GALNT10: variants seen among roughly 807,000 people sequenced by gnomAD.
GALNT10 encodes polypeptide N-acetylgalactosaminyltransferase 10, also known as GalNAc transferase 10.
GALNT10 carries 41 observed loss-of-function variants against 75.0 expected under a neutral mutation model. That is an observed-to-expected ratio of 0.55 (90% CI 0.43 to 0.71). GALNT10 has a LOEUF of 0.71. Among genes scored for constraint, GALNT10 ranks in the 30% least tolerant of loss-of-function variants. The probability of loss-of-function intolerance (pLI) is 0.00; values close to 1 mark genes in which losing one functional copy is unlikely to be tolerated. For synonymous variants in GALNT10, 302 were observed against 313.0 expected (o/e 0.96, Z 0.37); for missense variants, 727 against 818.5 (o/e 0.89, Z 1.36).
At chr5:154,391,316 G>A (rs1755892258) in intron 7 of GALNT10, among the ~76,000 whole-genome samples, 2 of 152,188 alleles carry the variant, frequency 1.3e-5, no homozygotes. Context: ...TGTATTTTCA[G>A]AAATTAAGAT....
intron 3 of GALNT10, among the ~76,000 whole-genome samples, chr5:154,324,213 C>G (rs957517220): frequency 1.3e-4 from 20 of 152,318 alleles, no homozygotes; most frequent in African/African-American, 4.6e-4. Flanking sequence ...GATAAGGCAG[C>G]GCTCTGTGCA....
At chr5:154,272,094 G>C (rs533446413) in intron 1 of GALNT10, among the ~76,000 whole-genome samples, 1 of 152,198 alleles carries the variant, frequency 6.6e-6, no homozygotes, top group African/African-American at 2.4e-5. Flanking sequence ...AGCCTCTTCT[G>C]TCCCACCTGG....
chr5:154,347,211 G>C, intron 4 of GALNT10: 1 of 477,904 alleles, frequency 2.1e-6, no homozygotes, highest in Non-Finnish European at 4.1e-6. Context: ...AACCTCACAG[G>C]ACTCAGTGAG....
chr5:154,372,503 A>T (rs558341516), intron 4 of GALNT10, among the ~76,000 whole-genome samples: 159 of 152,288 alleles, frequency 1.0e-3, no homozygotes, highest in African/African-American at 3.7e-3. Flanking sequence ...CAAATAGTTT[A>T]TTTGGGAGGA....
chr5:154,195,054 A>C (rs562800137), intron 1 of GALNT10, among the ~76,000 whole-genome samples: 1 of 152,358 alleles, frequency 6.6e-6, no homozygotes, highest in South Asian at 2.1e-4. Context: ...TCAGCCTTTG[A>C]TCTGTTGGTT....
At chr5:154,299,211 C>A (rs1415764171) in intron 3 of GALNT10, among the ~76,000 whole-genome samples, 3 of 152,226 alleles carry the variant, frequency 2.0e-5, no homozygotes, top group African/African-American at 7.2e-5. Flanking sequence ...CCTGCAGATT[C>A]TTGGGCCCCA....
At chr5:154,322,742 G>A (rs1219728693) in intron 3 of GALNT10, among the ~76,000 whole-genome samples, 1 of 152,180 alleles carries the variant, frequency 6.6e-6, no homozygotes, top group Non-Finnish European at 1.5e-5. Flanking sequence ...AGCTCACCAT[G>A]TTGGTACAAT....
At chr5:154,199,123 A>G (rs1049652513) in intron 1 of GALNT10, among the ~76,000 whole-genome samples, 3 of 152,320 alleles carry the variant, frequency 2.0e-5, no homozygotes, top group African/African-American at 4.8e-5. Context: ...TGCTGGCTGC[A>G]TGCTGGAAGC....
At chr5:154,269,320 A>G (rs1484122355) in intron 1 of GALNT10, among the ~76,000 whole-genome samples, 1 of 152,198 alleles carries the variant, frequency 6.6e-6, no homozygotes, top group Non-Finnish European at 1.5e-5. Flanking sequence ...AGAATTTTCT[A>G]CTACATCCCA....
chr5:154,271,282 T>C (rs898749258), intron 1 of GALNT10, among the ~76,000 whole-genome samples: 5 of 151,658 alleles, frequency 3.3e-5, no homozygotes, highest in African/African-American at 1.2e-4. Context: ...GCCTGACCAA[T>C]ATGATAAAAC....
At chr5:154,286,308 G>T (rs1203869615) in intron 1 of GALNT10, among the ~76,000 whole-genome samples, 1 of 151,972 alleles carries the variant, frequency 6.6e-6, no homozygotes, top group Non-Finnish European at 1.5e-5. Flanking sequence ...CAGATGGACA[G>T]ACAGACAGAT....
intron 4 of GALNT10, among the ~76,000 whole-genome samples, chr5:154,335,828 C>T (rs1754937962): frequency 6.6e-6 from 1 of 152,198 alleles, no homozygotes; most frequent in South Asian, 2.1e-4. Flanking sequence ...CAATACATCA[C>T]TTTCTCCTAA....
chr5:154,393,392 G>A (rs1755949253), intron 7 of GALNT10, among the ~76,000 whole-genome samples: 1 of 152,160 alleles, frequency 6.6e-6, no homozygotes, highest in African/African-American at 2.4e-5. Context: ...TTCTGAAAAT[G>A]ACTCAGTGCC....
At chr5:154,365,106 T>C (rs747686700) in intron 4 of GALNT10, among the ~76,000 whole-genome samples, 4 of 152,260 alleles carry the variant, frequency 2.6e-5, no homozygotes, top group African/African-American at 4.8e-5. Context: ...TAGCATCTCT[T>C]TTTTAATAGA....
intron 1 of GALNT10, among the ~76,000 whole-genome samples, chr5:154,293,576 G>A (rs190228049): frequency 8.2e-4 from 120 of 146,874 alleles, no homozygotes; most frequent in African/African-American, 3.1e-3. Context: ...AGCCCCTGGG[G>A]GCTGCTCTCT....
chr5:154,366,255 A>T (rs1755472090), intron 4 of GALNT10, among the ~76,000 whole-genome samples: 2 of 152,172 alleles, frequency 1.3e-5, no homozygotes, highest in South Asian at 4.1e-4. Context: ...TTTCTCCTTT[A>T]CATCACAATT....
chr5:154,225,015 C>T (rs1055146861), intron 1 of GALNT10, among the ~76,000 whole-genome samples: 6 of 151,934 alleles, frequency 3.9e-5, no homozygotes, highest in African/African-American at 1.5e-4. Context: ...CTCCTGACCT[C>T]AAGCAGTCCA....
chr5:154,244,295 A>G (rs10476799), intron 1 of GALNT10, among the ~76,000 whole-genome samples: 96,273 of 152,010 alleles, frequency 0.63, 31,132 homozygotes, highest in East Asian at 0.86. Flanking sequence ...GGCTGGGTGT[A>G]GTGGCTCATG....
chr5:154,196,325 T>C (rs990979379), intron 1 of GALNT10, among the ~76,000 whole-genome samples: 2 of 152,240 alleles, frequency 1.3e-5, no homozygotes, highest in African/African-American at 4.8e-5. Context: ...GCACCATTAC[T>C]GCTATCCCTG....
Sources: gnomAD v4.1 joint callset for allele counts (sites outside exome capture counted in the v4.1 genomes callset) on GRCh38, gnomAD v4.1.1 for gene constraint, MANE v1.5 for transcripts, NCBI Gene and HGNC (gene_info 2026-07-23, HGNC 2026-07-21) for gene names.